Variants in MTX2 observed in about 807,000 individuals in gnomAD.
MTX2 encodes metaxin 2.
Under a neutral mutation model 42.3 loss-of-function variants are expected in MTX2, and 35 were observed. The observed-to-expected ratio is 0.83, with a 90% CI of 0.63 to 1.10. The LOEUF (loss-of-function observed/expected upper bound fraction) is 1.10, where lower values mean the gene tolerates loss of function less well. Among genes scored for constraint, MTX2 ranks in the 50% least tolerant of loss-of-function variants. MTX2 has a pLI of 0.00. For missense variants in MTX2, 307 were observed against 304.1 expected (o/e 1.01, Z -0.07); for synonymous variants, 119 against 100.9 (o/e 1.18, Z -1.08).
intron 1 of MTX2, among the ~76,000 whole-genome samples, chr2:176,289,172 A>C (rs1408931785): frequency 1.3e-5 from 2 of 152,114 alleles, no homozygotes; most frequent in Non-Finnish European, 2.9e-5. Context: ...GATAATTAAA[A>C]TGAATGAGAA....
At chr2:176,273,845 C>A (rs1357049694) in intron 1 of MTX2, among the ~76,000 whole-genome samples, 1 of 151,978 alleles carries the variant, frequency 6.6e-6, no homozygotes, top group Non-Finnish European at 1.5e-5. Context: ...TGGCTTCCTT[C>A]CAGTAGAGTC....
Position 176,328,874 on chromosome 2 carries a change from C to A in MTX2, c.379C>A (p.Leu127Met). The A allele has an allele frequency of 6.2e-7, 1 of 1,606,184 alleles. No homozygotes were observed. The highest frequency in any genetic ancestry group is 8.5e-7 in the Non-Finnish European group (1 of 1,174,676). Residue 127 changes from leucine to methionine, a missense_variant and splice_region_variant, in exon 7 of 10, where the codon CTG (leucine) becomes ATG (methionine). Coordinates refer to ENST00000249442, the MANE Select transcript of MTX2 (RefSeq NM_006554.5). ...TTAGTGACTGTTCTTTTGTTCCTAGCTGTATCTTCAGTGGTGTGATGAAGC... is the reference window on the plus strand; with the variant it reads ...TTAGTGACTGTTCTTTTGTTCCTAGATGTATCTTCAGTGGTGTGATGAAGC... The part of the protein sequence containing the change: ...LVNNMLLTAE[L>M]YLQWCDEATV...
chr2:176,328,959 AC>A, intron 7 of MTX2, 47 bp downstream of exon 7: 4 of 1,515,364 alleles, frequency 2.6e-6, no homozygotes, highest in East Asian at 2.3e-5. Context: ...TAATGAGAAA[AC>A]ACTTTTGCTC....
chr2:176,315,009 T>C (rs1243482610), intron 3 of MTX2, among the ~76,000 whole-genome samples: 1 of 152,206 alleles, frequency 6.6e-6, no homozygotes, highest in Non-Finnish European at 1.5e-5. Flanking sequence ...TAGTATGATG[T>C]ACATTTGTAG....
chr2:176,307,047 C>T (rs1393152017), intron 3 of MTX2, among the ~76,000 whole-genome samples: 8 of 152,186 alleles, frequency 5.3e-5, no homozygotes, highest in South Asian at 4.1e-4. Flanking sequence ...TTAGGTCTAA[C>T]ATTTAAGTCT....
Position 176,328,358 on chromosome 2 carries a change from A to T in MTX2, c.351A>T (p.Leu117Phe). Residue 117 changes from leucine to phenylalanine, a missense_variant, in exon 6 of 10, where the codon TTA (leucine) becomes TTT (phenylalanine). By Grantham distance (22) the Leu-to-Phe change is conservative. Transcript: ENST00000249442. ...QKAEMKAYME[L>F]VNNMLLTAEL... ...CAGAAATGAAAGCTTACATGGAATT[A>T]GTCAACAATATGCTGTTGACTGCAG... 6.3e-7 allele frequency: 1 copy of T among 1,587,788 alleles called. No homozygotes were observed.
At chr2:176,274,923 T>C (rs191785345) in intron 1 of MTX2, among the ~76,000 whole-genome samples, 114 of 152,302 alleles carry the variant, frequency 7.5e-4, no homozygotes, top group African/African-American at 2.3e-3. Context: ...GTTGCCTCTC[T>C]TCTCTTCCCA....
chr2:176,325,892 G>A (rs1318304065), intron 4 of MTX2, among the ~76,000 whole-genome samples: 1 of 151,656 alleles, frequency 6.6e-6, no homozygotes, highest in Non-Finnish European at 1.5e-5. Context: ...TCTTTGTAAT[G>A]CATGTTGTCC....
intron 1 of MTX2, among the ~76,000 whole-genome samples, chr2:176,295,303 G>A (rs1272890077): frequency 6.6e-6 from 1 of 152,098 alleles, no homozygotes; most frequent in East Asian, 1.9e-4. Flanking sequence ...TTTTAGTATA[G>A]ATGTAAGCAA....
intron 3 of MTX2, 138 bp from the exon 4 acceptor site, chr2:176,323,254 A>T: frequency 1.5e-6 from 1 of 676,386 alleles, no homozygotes; most frequent in Non-Finnish European, 2.5e-6. Flanking sequence ...CAAATCCTTC[A>T]CTTTAAATTG....
intron 3 of MTX2, among the ~76,000 whole-genome samples, chr2:176,322,749 A>G (rs942604479): frequency 8.6e-5 from 13 of 151,936 alleles, no homozygotes; most frequent in Non-Finnish European, 1.0e-4. Flanking sequence ...ATGAGTTTTA[A>G]AATTGATTGT....
At chr2:176,310,150 C>T (rs543193633) in intron 3 of MTX2, among the ~76,000 whole-genome samples, 1 of 151,964 alleles carries the variant, frequency 6.6e-6, no homozygotes, top group African/African-American at 2.4e-5. Context: ...GATTTTATTT[C>T]TCCTTCACTT....
chr2:176,291,419 C>T (rs771917581), intron 1 of MTX2, among the ~76,000 whole-genome samples: 1 of 152,058 alleles, frequency 6.6e-6, no homozygotes, highest in Non-Finnish European at 1.5e-5. Context: ...GTGCTAGGTT[C>T]TAGGGATGAA....
chr2:176,315,521 G>A (rs1684414467), intron 3 of MTX2, among the ~76,000 whole-genome samples: 1 of 152,096 alleles, frequency 6.6e-6, no homozygotes, highest in South Asian at 2.1e-4. Flanking sequence ...CTGCTTCAGT[G>A]GTTCTGCTCT....
intron 3 of MTX2, among the ~76,000 whole-genome samples, chr2:176,301,661 C>T (rs1684025197): frequency 6.6e-6 from 1 of 152,148 alleles, no homozygotes. Flanking sequence ...TAACACTTTG[C>T]TGCATATTGG....
chr2:176,311,874 C>T (rs929414839), intron 3 of MTX2, among the ~76,000 whole-genome samples: 2 of 152,172 alleles, frequency 1.3e-5, no homozygotes, highest in African/African-American at 4.8e-5. Flanking sequence ...GGCAGTGCCC[C>T]ACCCTGCTTT....
intron 1 of MTX2, among the ~76,000 whole-genome samples, chr2:176,273,624 C>G (rs189250581): frequency 1.0e-3 from 153 of 152,184 alleles, no homozygotes; most frequent in Middle Eastern, 6.8e-3. Context: ...ATAAGGATAT[C>G]TTTTTAGAAG....
chr2:176,322,740 T>C (rs137999279), intron 3 of MTX2, among the ~76,000 whole-genome samples: 195 of 152,132 alleles, frequency 1.3e-3, no homozygotes, highest in African/African-American at 4.1e-3. Flanking sequence ...TTCTAAAGCA[T>C]GAGTTTTAAA....
chr2:176,295,335 A>G (rs1425162712), intron 1 of MTX2, among the ~76,000 whole-genome samples: 4 of 152,164 alleles, frequency 2.6e-5, no homozygotes, highest in East Asian at 3.8e-4. Context: ...TGACCATACA[A>G]TTTATCCTAA....
Sources: allele counts gnomAD v4.1 joint callset (sites outside exome capture counted in the v4.1 genomes callset), GRCh38; gene constraint gnomAD v4.1.1; transcripts MANE v1.5; gene names NCBI Gene and HGNC (gene_info 2026-07-23, HGNC 2026-07-21).